Variants in SPAG7 observed in about 807,000 individuals in gnomAD.
SPAG7 encodes the protein sperm-associated antigen 7.
A neutral mutation model predicts 30.6 loss-of-function variants in SPAG7; 20 were observed. The observed-to-expected ratio is 0.65, with a 90% confidence interval of 0.46 to 0.95. The LOEUF (loss-of-function observed/expected upper bound fraction) is 0.95, where lower values mean the gene tolerates loss of function less well. SPAG7 is among the 40% of genes least tolerant of loss of function. SPAG7 has a pLI of 0.00. For missense variants in SPAG7, 276 were observed against 291.1 expected (o/e 0.95, Z 0.38); for synonymous variants, 127 against 104.2 (o/e 1.22, Z -1.33).
chr17:4,966,878 G>A, intron 1 of SPAG7: 1 of 985,516 alleles, frequency 1.0e-6, no homozygotes, highest in African/African-American at 1.7e-5. Flanking sequence ...GGGCACGTGG[G>A]GAGCTGGGAC....
In SPAG7 at chr17:4,960,794, G is replaced by GA; in HGVS notation, c.144dup (p.Arg49SerfsTer2). 1 of 1,613,964 alleles carries GA rather than the reference G, an allele frequency of 6.2e-7. No homozygotes were observed. The highest frequency in any genetic ancestry group is 8.5e-7 in the Non-Finnish European group (1 of 1,179,930). On this transcript the variant is annotated frameshift_variant, in exon 2 of 7. Transcript: ENST00000206020. LOFTEE classifies it high-confidence loss of function. ...ACTCCAGTTGTTCTCACCCTTTTAC[G>GA]AAACTCCACTTTCTGTTGTTTCTCT... is the stretch of plus-strand genomic sequence containing the variant.
At chr17:4,965,213 A>AT (rs913709629) in intron 1 of SPAG7, among the ~76,000 whole-genome samples, 19 of 150,140 alleles carry the variant, frequency 1.3e-4, no homozygotes, top group African/African-American at 2.0e-4. Context: ...ACGCCCGCCC[A>AT]TTTTTTTGTA....
chr17:4,960,035 T>C lies in SPAG7; in HGVS notation c.404A>G (p.Lys135Arg). The C allele has an allele frequency of 6.2e-7, 1 of 1,614,180 alleles. No homozygotes were observed. Residue 135 changes from lysine (K) to arginine (R), a missense_variant, in exon 5 of 7, where the codon AAG becomes AGG. Lys to Arg is a conservative substitution (Grantham distance 26). Coordinates refer to ENST00000206020, the MANE Select transcript of SPAG7 (RefSeq NM_004890.3). The stretch of plus-strand genomic sequence containing the variant: ...AGCATAGCTCACCTTCAGCTTCCGC[T>C]TCTCCTCAGCCTTCTGGGGGTCCCA... ...EEWDPQKAEE[K>R]RKLKELAQRQ...
chr17:4,959,683 G>A lies in SPAG7; in HGVS notation c.575-40C>T, dbSNP rs538842263. On this transcript the variant is annotated intron_variant, in intron 6 of 6. Coordinates refer to ENST00000206020, the MANE Select transcript of SPAG7 (RefSeq NM_004890.3). ...GAGGGTAGGGCGGGCCTAGAAATCC[G>A]TACCTCAGCCTCCACTGCCCTCCTG... 6.8e-5 allele frequency: 110 copies of A among 1,612,978 alleles called. 1 individual carries two copies. The South Asian group carries it at 8.7e-4, about 13-fold the overall frequency.
Position 4,967,743 on chromosome 17 carries a change from T to A in SPAG7, c.62A>T (p.Gln21Leu), listed in dbSNP as rs979519720. The stretch of plus-strand genomic sequence containing the variant: ...ACCTCGGGCCTTGCGCCGAGTCTCC[T>A]GGTCACCGAGGCTGGGTGGCTTCTC... ...SMEKPPSLGD[Q>L]ETRRKAREQA... is the part of the protein sequence containing the mutation. The change falls in exon 1 of 7, where the codon CAG becomes CTG. Residue 21 changes from glutamine to leucine, a missense_variant. Transcript: ENST00000206020. The A allele has an allele frequency of 9.3e-6, 15 of 1,614,038 alleles. No homozygotes were observed. The highest frequency in any genetic ancestry group is 1.3e-5 in the Non-Finnish European group (15 of 1,179,918).
Position 4,960,452 on chromosome 17 carries a change from C to G in SPAG7, c.242+7G>C. ...TTTCCTTCCTCCCCCAGCCCAGGGA[C>G]ACTCACAGTATGCTCCTCTCGATCT... On this transcript the variant is annotated splice_region_variant and intron_variant, in intron 3 of 6. Coordinates refer to ENST00000206020, the MANE Select transcript of SPAG7 (RefSeq NM_004890.3). 6.2e-7 allele frequency: 1 copy of G among 1,608,174 alleles called. No individual in the cohort carries two copies. Among genetic ancestry groups the G allele is most frequent in the Non-Finnish European group, 8.5e-7 (1 of 1,175,946 alleles).
At chr17:4,963,446 G>C (rs1360458708) in intron 1 of SPAG7, among the ~76,000 whole-genome samples, 1 of 147,782 alleles carries the variant, frequency 6.8e-6, no homozygotes, top group Non-Finnish European at 1.5e-5. Context: ...ACACAGGAAA[G>C]GGGAATTTTT....
At chr17:4,964,458 T>C (rs1354639234) in intron 1 of SPAG7, among the ~76,000 whole-genome samples, 2 of 148,282 alleles carry the variant, frequency 1.3e-5, no homozygotes, top group Non-Finnish European at 3.0e-5. Context: ...GCCTCCCGGG[T>C]TCACGCCATT....
Position 4,960,483 on chromosome 17 carries a change from A to ATT in SPAG7, c.216_217dup (p.Met73LysfsTer2). On this transcript the variant is annotated frameshift_variant, in exon 3 of 7. Transcript: ENST00000206020. LOFTEE classifies it high-confidence loss of function. ...CAGTATGCTCCTCTCGATCTTGTTC[A>ATT]TTGGCTGAAACTTTTTCTTGATCTG... 6.2e-7 allele frequency: 1 copy of ATT among 1,602,128 alleles called. No individual in the cohort carries two copies. Among genetic ancestry groups the ATT allele is most frequent in the Non-Finnish European group, 8.5e-7 (1 of 1,176,506 alleles).
At chr17:4,964,504 G>C (rs1395517711) in intron 1 of SPAG7, among the ~76,000 whole-genome samples, 1 of 151,534 alleles carries the variant, frequency 6.6e-6, no homozygotes, top group African/African-American at 2.4e-5. Flanking sequence ...TGGGACTACA[G>C]GCGCCCGCCA....
At chr17:4,966,550 A>G (rs1319251605) in intron 1 of SPAG7, 13 of 979,546 alleles carry the variant, frequency 1.3e-5, no homozygotes, top group East Asian at 1.1e-4. Context: ...AGAGATTTCA[A>G]ATAGACTCTT....
chr17:4,963,973 G>T (rs1200919163), intron 1 of SPAG7, among the ~76,000 whole-genome samples: 1 of 151,978 alleles, frequency 6.6e-6, no homozygotes, highest in Admixed American at 6.6e-5. Context: ...CATCTTTACA[G>T]AAAACTTTTT....
chr17:4,964,463 G>C (rs1971915388), intron 1 of SPAG7, among the ~76,000 whole-genome samples: 2 of 146,084 alleles, frequency 1.4e-5, no homozygotes, highest in African/African-American at 5.1e-5. Context: ...CCGGGTTCAC[G>C]CCATTCTCCT....
At position 4,959,335 on chromosome 17, in the gene SPAG7, T is replaced by A. The variant is rs1010218482; in HGVS notation, c.*199A>T. The A allele has an allele frequency of 7.1e-5, 40 of 564,468 alleles. No homozygotes were observed. The highest frequency in any genetic ancestry group is 2.2e-4 in the South Asian group (10 of 46,088). 35.0% of individuals were successfully genotyped at this position (564,468 alleles called of 1,614,324 possible). ...AATACCCACCTGTGCATTCACACTC[T>A]CACACACACACACACATGCCACGCA... On this transcript the variant is annotated 3_prime_UTR_variant, in exon 7 of 7. Coordinates refer to ENST00000206020, the MANE Select transcript of SPAG7 (RefSeq NM_004890.3).
chr17:4,966,896 G>T, intron 1 of SPAG7: 2 of 985,388 alleles, frequency 2.0e-6, no homozygotes, highest in East Asian at 1.1e-4. Context: ...GACAGGGCTC[G>T]TCCGTGGTCA....
rs533768147 is a variant in SPAG7, at chr17:4,960,381, C to T, written c.243-63G>A. 9.4e-5 allele frequency: 150 copies of T among 1,599,644 alleles called. 1 individual carries two copies. In the East Asian group the frequency reaches 1.9e-3, roughly 20 times the overall value. On this transcript the variant is annotated intron_variant, in intron 3 of 6. Transcript: ENST00000206020. ...CCAGGAGCGGGCCTAGTGCCCTCCT[C>T]TGGAGGAGCCCCCCGCTGGCCCTTT...
chr17:4,963,733 A>G (rs961766382), intron 1 of SPAG7, among the ~76,000 whole-genome samples: 8 of 152,168 alleles, frequency 5.3e-5, no homozygotes, highest in African/African-American at 1.9e-4. Flanking sequence ...CCAGGATTAC[A>G]GGCTTGAGCC....
At chr17:4,959,947 A>G (rs1971833591) in intron 5 of SPAG7, 31 bp from the exon 6 acceptor site, 1 of 1,612,724 alleles carries the variant, frequency 6.2e-7, no homozygotes, top group Non-Finnish European at 8.5e-7. Context: ...ACTGGTGCTC[A>G]GGGCCCCAGC....
In SPAG7 at chr17:4,963,339, C is replaced by A. The variant is rs1265505891; in HGVS notation, c.86-2486G>T. Among the ~76,000 whole-genome samples the A allele has an allele frequency of 3.3e-5, 5 of 151,862 alleles. 1 individual carries two copies. The highest frequency in any genetic ancestry group is 7.4e-5 in the Non-Finnish European group (5 of 68,000). On this transcript the variant is annotated intron_variant, in intron 1 of 6. Transcript: ENST00000206020. Reference sequence around the variant, plus strand: ...AGAGGTCTAGGTGACAGAGCAAGACCCTGTCAAAAACAAAAACAAAAACAA... The same window carrying A: ...AGAGGTCTAGGTGACAGAGCAAGACACTGTCAAAAACAAAAACAAAAACAA...
Sources: gnomAD v4.1 joint callset for allele counts (sites outside exome capture counted in the v4.1 genomes callset) on GRCh38, gnomAD v4.1.1 for gene constraint, MANE v1.5 for transcripts, NCBI Gene and HGNC (gene_info 2026-07-23, HGNC 2026-07-21) for gene names.